The following SYT9 variants were observed in gnomAD, a reference collection of about 807,000 sequenced individuals.
SYT9 encodes the protein synaptotagmin 9.
A neutral mutation model predicts 48.4 loss-of-function variants in SYT9; 22 were observed. The ratio of observed to expected loss-of-function variants is 0.45; its 90% confidence interval spans 0.32 to 0.65. The LOEUF is 0.65. Among genes scored for constraint, SYT9 ranks in the 30% least tolerant of loss-of-function variants. The probability of loss-of-function intolerance (pLI) is 0.03; values close to 1 mark genes in which losing one functional copy is unlikely to be tolerated. For missense variants in SYT9, 577 were observed against 622.0 expected (o/e 0.93, Z 0.77); for synonymous variants, 265 against 245.0 (o/e 1.08, Z -0.76).
chr11:7,394,367 G>A (rs1352602801), intron 3 of SYT9, among the ~76,000 whole-genome samples: 2 of 152,094 alleles, frequency 1.3e-5, no homozygotes, highest in African/African-American at 2.4e-5. Context: ...ATCATTGTTG[G>A]ACATTTGGGT....
At chr11:7,355,309 G>A (rs1849997475) in intron 3 of SYT9, among the ~76,000 whole-genome samples, 1 of 152,170 alleles carries the variant, frequency 6.6e-6, no homozygotes, top group Non-Finnish European at 1.5e-5. Flanking sequence ...AGGCCAGGTG[G>A]GCTCTCTTTA....
intron 1 of SYT9, among the ~76,000 whole-genome samples, chr11:7,271,086 C>A (rs1015435485): frequency 6.6e-6 from 1 of 152,052 alleles, no homozygotes; most frequent in Non-Finnish European, 1.5e-5. Context: ...TTTCTTTTCT[C>A]ACATCTGCGA....
intron 6 of SYT9, among the ~76,000 whole-genome samples, chr11:7,432,575 AAAAAAAAATATATATACATATATATATAT>A (rs1847613510): frequency 2.3e-3 from 26 of 11,186 alleles, no homozygotes; most frequent in Admixed American, 5.1e-3. Flanking sequence ...AAAAAAAAAA[AAAAAAAAATATATATACATATATATATAT>A]ATATATATAT....
chr11:7,454,031 C>T, intron 6 of SYT9: 5 of 985,418 alleles, frequency 5.1e-6, no homozygotes, highest in Non-Finnish European at 6.0e-6. Flanking sequence ...CAAGAGGGCT[C>T]AGCTTCCCCA....
intron 3 of SYT9, among the ~76,000 whole-genome samples, chr11:7,326,603 G>A (rs571134959): frequency 1.3e-5 from 2 of 149,820 alleles, no homozygotes; most frequent in South Asian, 2.1e-4. Context: ...AAAAGAGCCC[G>A]CATCGCCAAG....
chr11:7,255,985 G>T (rs1175021466), intron 1 of SYT9, among the ~76,000 whole-genome samples: 1 of 152,070 alleles, frequency 6.6e-6, no homozygotes, highest in Non-Finnish European at 1.5e-5. Flanking sequence ...GAATTAAAAG[G>T]TCTCTTAAAT....
chr11:7,382,252 A>G (rs1244508996), intron 3 of SYT9, among the ~76,000 whole-genome samples: 1 of 152,118 alleles, frequency 6.6e-6, no homozygotes, highest in Non-Finnish European at 1.5e-5. Context: ...CATGTGAGAG[A>G]GATGGTGGTA....
intron 3 of SYT9, among the ~76,000 whole-genome samples, chr11:7,319,296 A>C (rs7933472): frequency 6.7e-6 from 1 of 150,104 alleles, no homozygotes; most frequent in Admixed American, 6.6e-5. Context: ...GAAAGCCACA[A>C]CTCTGGAATA....
chr11:7,263,734 G>C lies in SYT9; in HGVS notation c.145+11403G>C, dbSNP rs117554603. Among the ~76,000 whole-genome samples, 700 of 151,954 alleles carry C rather than the reference G, an allele frequency of 4.6e-3. 5 individuals are homozygous for C. Among genetic ancestry groups the C allele is most frequent in the African/African-American group, 0.015 (634 of 41,536 alleles). On this transcript the variant is annotated intron_variant, in intron 1 of 6. Coordinates refer to ENST00000318881, the MANE Select transcript of SYT9 (RefSeq NM_175733.4). ...GACCATTGCATTTAATAACATGAAG[G>C]CTAATTGGTGACCTTGAACTGAATG...
chr11:7,381,908 G>A (rs867986666), intron 3 of SYT9, among the ~76,000 whole-genome samples: 1 of 152,156 alleles, frequency 6.6e-6, no homozygotes, highest in Non-Finnish European at 1.5e-5. Flanking sequence ...TCCAGCCACT[G>A]GTACTCCAGA....
At chr11:7,451,178 T>A (rs1254814287) in intron 6 of SYT9, among the ~76,000 whole-genome samples, 1 of 152,226 alleles carries the variant, frequency 6.6e-6, no homozygotes, top group African/African-American at 2.4e-5. Flanking sequence ...AACCATAATT[T>A]CTAAACCCAG....
intron 3 of SYT9, among the ~76,000 whole-genome samples, chr11:7,317,182 G>A (rs1384077066): frequency 1.3e-5 from 2 of 152,144 alleles, no homozygotes; most frequent in African/African-American, 4.8e-5. Context: ...CTTACCCTAT[G>A]TCAGGAAAGA....
In SYT9 at chr11:7,303,281, A is replaced by T. The variant is rs1402260751; in HGVS notation, c.388A>T (p.Ser130Cys). 6.2e-7 allele frequency: 1 copy of T among 1,613,846 alleles called. No homozygotes were observed. The highest frequency in any genetic ancestry group is 2.2e-5 in the East Asian group (1 of 44,858). The part of the protein sequence containing the change: ...TPCPDSSMKI[S>C]HTSPDIPLST... ...CTGCCCTGACTCCTCCATGAAGATC[A>T]GCCACACCTCCCCTGACATTCCCCT... Residue 130 changes from serine to cysteine, a missense_variant, in exon 2 of 7, where the codon AGC becomes TGC. By Grantham distance (112) the Ser-to-Cys change is moderately radical. Coordinates refer to ENST00000318881, the MANE Select transcript of SYT9 (RefSeq NM_175733.4).
intron 6 of SYT9, among the ~76,000 whole-genome samples, chr11:7,424,022 G>A (rs550305432): frequency 1.3e-5 from 2 of 152,140 alleles, no homozygotes; most frequent in African/African-American, 4.8e-5. Context: ...ACGAAGATGG[G>A]GGCCCTGGGA....
upstream of SYT9, among the ~76,000 whole-genome samples, chr11:7,251,345 C>A (rs1223921822): frequency 6.6e-6 from 1 of 152,052 alleles, no homozygotes; most frequent in Non-Finnish European, 1.5e-5. Flanking sequence ...CAGGGTCTTT[C>A]CCAGGAATCG....
chr11:7,280,802 A>G lies in SYT9; in HGVS notation c.146-22237A>G, dbSNP rs1310196885. On this transcript the variant is annotated intron_variant, in intron 1 of 6. Transcript: ENST00000318881. ...AAGATACTATAGACGTAAGTGGAGA[A>G]GAAGAAGATACTAGAGATGTAAGTA... Among the ~76,000 whole-genome samples, 3 of 152,230 alleles carry G rather than the reference A, an allele frequency of 2.0e-5. No individual in the cohort carries two copies. The South Asian group carries it at 6.2e-4, about 32-fold the overall frequency.
At chr11:7,324,974 A>T (rs1849404047) in intron 3 of SYT9, among the ~76,000 whole-genome samples, 1 of 152,056 alleles carries the variant, frequency 6.6e-6, no homozygotes, top group African/African-American at 2.4e-5. Flanking sequence ...GTTCTATCAA[A>T]ATTTCTGCTT....
At chr11:7,305,167 G>A (rs182122888) in intron 2 of SYT9, among the ~76,000 whole-genome samples, 26 of 152,256 alleles carry the variant, frequency 1.7e-4, no homozygotes, top group Non-Finnish European at 3.2e-4. Context: ...AAAATTAAAA[G>A]GGAGAGTGAA....
At chr11:7,417,011 C>T (rs1378161322) in intron 4 of SYT9, among the ~76,000 whole-genome samples, 2 of 152,034 alleles carry the variant, frequency 1.3e-5, no homozygotes, top group Non-Finnish European at 1.5e-5. Context: ...AAAAAAAATG[C>T]CTCTATATGC....
Sources: gnomAD v4.1 joint callset for allele counts (sites outside exome capture counted in the v4.1 genomes callset) on GRCh38, gnomAD v4.1.1 for gene constraint, MANE v1.5 for transcripts, NCBI Gene and HGNC (gene_info 2026-07-23, HGNC 2026-07-21) for gene names.